The following THNSL1 variants were observed in gnomAD, a reference collection of about 807,000 sequenced individuals.
THNSL1 encodes the protein threonine synthase like 1.
A neutral mutation model predicts 50.4 loss-of-function variants in THNSL1; 48 were observed. The observed-to-expected ratio is 0.95, with a 90% confidence interval of 0.76 to 1.21. The LOEUF (loss-of-function observed/expected upper bound fraction) is 1.21, where lower values mean the gene tolerates loss of function less well. Ranked by LOEUF, THNSL1 falls within the 50% of genes most tolerant of loss-of-function variation. THNSL1 has a pLI of 0.00. For missense variants in THNSL1, 896 were observed against 871.7 expected, an observed-to-expected ratio of 1.03 and a Z score of -0.35; for synonymous variants, 309 against 306.1, an observed-to-expected ratio of 1.01 and a Z score of -0.10.
upstream of THNSL1, chr10:25,015,876 GC>G: frequency 6.2e-7 from 1 of 1,605,404 alleles, no homozygotes; most frequent in Non-Finnish European, 8.5e-7. Flanking sequence ...GGCTGGGGAG[GC>G]TCCTTCAAGT....
the THNSL1 span, among the ~76,000 whole-genome samples, chr10:25,010,691 G>A: frequency 6.4e-5 from 9 of 141,420 alleles, no homozygotes; most frequent in South Asian, 2.6e-4. Context: ...GAGAACATGC[G>A]GTGTTTGGTT....
upstream of THNSL1, among the ~76,000 whole-genome samples, chr10:25,013,562 G>A (rs1461094511): frequency 6.6e-6 from 1 of 152,206 alleles, no homozygotes; most frequent in Admixed American, 6.5e-5. Flanking sequence ...ATGGTTTCAT[G>A]GACTGTTCAG....
the THNSL1 span, among the ~76,000 whole-genome samples, chr10:24,977,268 G>T: frequency 6.6e-6 from 1 of 152,064 alleles, no homozygotes; most frequent in Admixed American, 6.6e-5. Flanking sequence ...TCATACTATG[G>T]ATACTTATAT....
chr10:25,007,557 C>A, the THNSL1 span, among the ~76,000 whole-genome samples: 2 of 152,302 alleles, frequency 1.3e-5, no homozygotes, highest in South Asian at 2.1e-4. Flanking sequence ...GCCTCAGCCT[C>A]CAGAGTAGCT....
At chr10:24,972,990 G>C in the THNSL1 span, among the ~76,000 whole-genome samples, 93 of 151,842 alleles carry the variant, frequency 6.1e-4, 1 homozygote, top group African/African-American at 2.2e-3. Context: ...TTATAAATTA[G>C]GCACATAAGA....
At chr10:24,988,541 T>G in the THNSL1 span, among the ~76,000 whole-genome samples, 23 of 147,402 alleles carry the variant, frequency 1.6e-4, no homozygotes, top group Non-Finnish European at 2.5e-4. Flanking sequence ...TCTATGTACA[T>G]GTAGAGATAT....
the THNSL1 span, chr10:24,984,755 T>A: frequency 9.3e-6 from 15 of 1,612,168 alleles, no homozygotes; most frequent in Non-Finnish European, 1.2e-5. Flanking sequence ...ATATAAATAA[T>A]CTTGTGCTTT....
rs1408321936 is a variant in THNSL1, at chr10:25,025,344, TTTA to T, written c.2125_2127del (p.Leu709del). 10 of 1,614,204 alleles carry T rather than the reference TTTA, an allele frequency of 6.2e-6. No homozygotes were observed. Among genetic ancestry groups the T allele is most frequent in the Non-Finnish European group, 8.5e-6 (10 of 1,180,038 alleles). ...ATGCATTACCTCCACTGCATGAGGC[TTTA>T]TTAGAGAGAACAAAACAGCAAGAGA... is the stretch of plus-strand genomic sequence containing the variant. On this transcript the variant is annotated inframe_deletion, in exon 3 of 3. Transcript: ENST00000376356.
upstream of THNSL1, among the ~76,000 whole-genome samples, chr10:25,012,534 T>C (rs1321833869): frequency 6.6e-6 from 1 of 152,256 alleles, no homozygotes; most frequent in African/African-American, 2.4e-5. Flanking sequence ...GACCTGGATG[T>C]GAGACATGGA....
chr10:24,988,680 A>ATATATATATATATATGTG, the THNSL1 span, among the ~76,000 whole-genome samples: 1 of 3,468 alleles, frequency 2.9e-4, no homozygotes, highest in African/African-American at 1.1e-3. Flanking sequence ...ATATATATAT[A>ATATATATATATATATGTG]TATATATATA....
chr10:24,980,900 ACAGT>A, the THNSL1 span, among the ~76,000 whole-genome samples: 68,746 of 149,132 alleles, frequency 0.46, 16,024 homozygotes, highest in African/African-American at 0.6. Flanking sequence ...TATTTTTAGT[ACAGT>A]GAAACAGTGT....
At chr10:25,009,031 T>C in the THNSL1 span, among the ~76,000 whole-genome samples, 1 of 152,098 alleles carries the variant, frequency 6.6e-6, no homozygotes, top group East Asian at 1.9e-4. Flanking sequence ...CCGCATGTTC[T>C]CACTCATAGG....
At chr10:24,982,091 C>T in the THNSL1 span, 1 of 152,214 alleles carries the variant, frequency 6.6e-6, no homozygotes, top group East Asian at 1.9e-4. Flanking sequence ...TATACAGTGT[C>T]TTCTCCCCCA....
chr10:24,952,523 T>C, the THNSL1 span: 1 of 1,585,112 alleles, frequency 6.3e-7, no homozygotes. The surrounding 1 kb of genome is among the most constrained non-coding windows in gnomAD (Gnocchi z 5.1). Context: ...GGAGTTTGCA[T>C]TTACCACGAC....
chr10:25,009,190 G>T, the THNSL1 span, among the ~76,000 whole-genome samples: 1 of 152,080 alleles, frequency 6.6e-6, no homozygotes, highest in African/African-American at 2.4e-5. Context: ...CACCAACATG[G>T]CACATGTATA....
rs1850771222 is a variant in THNSL1, at chr10:25,023,709, T to C, written c.486T>C (p.Ile162=). Residue 162 remains isoleucine, a synonymous_variant, in exon 3 of 3, where the codon ATT becomes ATC. Coordinates refer to ENST00000376356, the MANE Select transcript of THNSL1 (RefSeq NM_024838.5). ...TGGATGTACCTCTACTAGATCTAAT[T>C]TGTCGTCTAAAATTAATGAAGACAG... ...VYLDVPLLDL[I]CRLKLMKTDR... 2.5e-6 allele frequency: 4 copies of C among 1,613,832 alleles called. No individual in the cohort carries two copies. In the South Asian group the frequency reaches 4.4e-5, roughly 18 times the overall value.
the THNSL1 span, among the ~76,000 whole-genome samples, chr10:24,993,744 G>A: frequency 1.3e-4 from 20 of 152,104 alleles, no homozygotes; most frequent in African/African-American, 4.8e-4. Context: ...TTCATGGTTT[G>A]GTAAACTCTG....
the THNSL1 span, among the ~76,000 whole-genome samples, chr10:25,003,184 T>TAA: frequency 6.7e-5 from 10 of 149,608 alleles, no homozygotes; most frequent in Non-Finnish European, 9.0e-5. Flanking sequence ...ATTAATTAAT[T>TAA]TATTTATTTA....
the THNSL1 span, among the ~76,000 whole-genome samples, chr10:24,994,357 C>G: frequency 2.7e-5 from 4 of 145,834 alleles, no homozygotes; most frequent in Admixed American, 6.9e-5. Flanking sequence ...TTTTTGACAC[C>G]GAGTCTCGCT....
Sources: allele counts gnomAD v4.1 joint callset (sites outside exome capture counted in the v4.1 genomes callset), GRCh38; gene constraint gnomAD v4.1.1; non-coding constraint Gnocchi (gnomAD v3.1); transcripts MANE v1.5; gene names NCBI Gene and HGNC (gene_info 2026-07-23, HGNC 2026-07-21).